Variants in HS1BP3 observed in about 807,000 individuals in gnomAD.
The protein encoded by HS1BP3 is HCLS1-binding protein 3.
HS1BP3 carries 32 observed loss-of-function variants against 33.5 expected under a neutral mutation model. The ratio of observed to expected loss-of-function variants is 0.95; its 90% confidence interval spans 0.72 to 1.28. The LOEUF (loss-of-function observed/expected upper bound fraction) is 1.28. Among genes scored for constraint, HS1BP3 ranks in the 50% most tolerant of loss-of-function variants. The probability of loss-of-function intolerance (pLI) is 0.00; values close to 1 mark genes in which losing one functional copy is unlikely to be tolerated. For missense variants in HS1BP3, 486 were observed against 502.3 expected, an observed-to-expected ratio of 0.97 and a Z score of 0.31; for synonymous variants, 187 against 209.2, an observed-to-expected ratio of 0.89 and a Z score of 0.92.
At chr2:20,628,392 C>T (rs1349743485) in intron 4 of HS1BP3, among the ~76,000 whole-genome samples, 5 of 152,050 alleles carry the variant, frequency 3.3e-5, no homozygotes, top group Non-Finnish European at 7.4e-5. Flanking sequence ...ATGAAAAGTG[C>T]TTTAGTTTAA....
chr2:20,567,128 T>C (rs542754922), intron 5 of HS1BP3, among the ~76,000 whole-genome samples: 69 of 152,214 alleles, frequency 4.5e-4, no homozygotes, highest in African/African-American at 1.5e-3. Context: ...CTGATGAATA[T>C]TACTAGTTCG....
At chr2:20,577,233 G>T (rs777716205) in intron 5 of HS1BP3, among the ~76,000 whole-genome samples, 1 of 152,042 alleles carries the variant, frequency 6.6e-6, no homozygotes. Context: ...TTTCCGTATC[G>T]GGGAGGGCCT....
At chr2:20,606,564 T>G (rs1215520959) in intron 2 of HS1BP3, 2 of 490,508 alleles carry the variant, frequency 4.1e-6, no homozygotes, top group Admixed American at 2.3e-5. Flanking sequence ...TTCTTCTTTT[T>G]GGCCTTGTCC....
chr2:20,606,207 C>T, intron 2 of HS1BP3: 1 of 197,070 alleles, frequency 5.1e-6, no homozygotes, highest in Non-Finnish European at 1.1e-5. Flanking sequence ...CTAATGATTT[C>T]ACTGAGCATA....
In HS1BP3 at chr2:20,618,563, G is replaced by T; in HGVS notation, c.*424C>A. ...TTCTTACTATGCGAACAGAGGCAGA[G>T]GAGGGATAGAGGCCCAGCCCCAGTT... On this transcript the variant is annotated 3_prime_UTR_variant, in exon 7 of 7. Transcript: ENST00000304031. 4.2e-6 allele frequency: 1 copy of T among 235,784 alleles called. No homozygotes were observed. The highest frequency in any genetic ancestry group is 7.3e-6 in the Non-Finnish European group (1 of 137,792). The allele number at this position is 235,784 out of a possible 1,614,324, so 14.6% of individuals were successfully genotyped here.
Position 20,618,802 on chromosome 2 carries a change from G to A in HS1BP3, c.*185C>T, listed in dbSNP as rs532001396. 32 of 1,411,910 alleles carry A rather than the reference G, an allele frequency of 2.3e-5. No individual in the cohort carries two copies. In the African/African-American group the frequency reaches 4.6e-4, roughly 20 times the overall value. 87.5% of individuals were successfully genotyped at this position (1,411,910 alleles called of 1,614,324 possible). On this transcript the variant is annotated 3_prime_UTR_variant, in exon 7 of 7. Transcript: ENST00000304031. ...TGAGAGCCGCTCCCGCAGCCCGCAG[G>A]CTTCTACTTTGGCCCCACAGCCCCG...
chr2:20,610,104 T>C (rs993446241), intron 2 of HS1BP3, among the ~76,000 whole-genome samples: 1 of 151,980 alleles, frequency 6.6e-6, no homozygotes, highest in African/African-American at 2.4e-5. Flanking sequence ...GAACAGAGAG[T>C]ACAAAGTCCC....
In HS1BP3 at chr2:20,605,044, T is replaced by C. The variant is rs116972934; in HGVS notation, c.179-6779A>G. On this transcript the variant is annotated intron_variant, in intron 2 of 3. Transcript: ENST00000415264. The stretch of plus-strand genomic sequence containing the variant: ...GTCTCTCTCTCAGGATGCCTTTTGT[T>C]GCCAAGAATGATGAAACAGATGTCT... Among the ~76,000 whole-genome samples, 111 of 152,344 alleles carry C rather than the reference T, an allele frequency of 7.3e-4. 1 individual carries two copies. The East Asian group carries it at 0.017, about 24-fold the overall frequency.
At chr2:20,579,249 G>C (rs1289095628) in intron 5 of HS1BP3, among the ~76,000 whole-genome samples, 1 of 152,330 alleles carries the variant, frequency 6.6e-6, no homozygotes, top group Middle Eastern at 3.4e-3. Flanking sequence ...GGCTCCATCC[G>C]AGCTGGCTGA....
chr2:20,618,716 A>AC lies in HS1BP3; in HGVS notation c.*270dup. 8.0e-7 allele frequency: 1 copy of AC among 1,254,566 alleles called. No individual in the cohort carries two copies. Among genetic ancestry groups the AC allele is most frequent in the South Asian group, 2.6e-5 (1 of 38,142 alleles). The allele number at this position is 1,254,566 out of a possible 1,614,324, so 77.7% of individuals were successfully genotyped here. A position where few individuals can be genotyped will look rare whatever the true frequency, so the allele number is the denominator to read the frequency against. On this transcript the variant is annotated 3_prime_UTR_variant, in exon 7 of 7. Coordinates refer to ENST00000304031, the MANE Select transcript of HS1BP3 (RefSeq NM_022460.4). ...GGCTTCTGGTTGGCAAGGCATCCCC[A>AC]CACCCTCCCTCCCCTTCATGTCCAC...
Position 20,640,966 on chromosome 2 carries a change from T to G in HS1BP3, c.406+7A>C. 2 of 1,613,934 alleles carry G rather than the reference T, an allele frequency of 1.2e-6. No homozygotes were observed. Reference sequence around the variant, plus strand: ...ACCTGAGGGACATGGGGCAGAGCCTTGGGTACCTAAGAACTCTAGCAGCTC... The same window carrying G: ...ACCTGAGGGACATGGGGCAGAGCCTGGGGTACCTAAGAACTCTAGCAGCTC... On this transcript the variant is annotated splice_region_variant and intron_variant, in intron 3 of 6. Coordinates refer to ENST00000304031, the MANE Select transcript of HS1BP3 (RefSeq NM_022460.4).
At chr2:20,624,667 C>A (rs1438320262) in intron 5 of HS1BP3, 65 bp downstream of exon 5, 13 of 1,490,342 alleles carry the variant, frequency 8.7e-6, no homozygotes, top group Non-Finnish European at 9.1e-6. Flanking sequence ...TGAGTCCAGA[C>A]CCTGCCTGGT....
Position 20,586,221 on chromosome 2 carries a change from A to G in HS1BP3, c.303-25706T>C, listed in dbSNP as rs544018159. ...ATGCCCGTTCTCAAAACGTCTTCAC[A>G]ATGCACACACATCACATTAAAGAGG... On this transcript the variant is annotated intron_variant, in intron 5 of 5. Coordinates refer to the HS1BP3 transcript ENST00000446825. 6 of 152,318 alleles carry G rather than the reference A, an allele frequency of 3.9e-5. No individual in the cohort carries two copies. In the East Asian group the frequency reaches 1.2e-3, roughly 29 times the overall value. 9.4% of individuals were successfully genotyped at this position (152,318 alleles called of 1,614,324 possible).
At chr2:20,648,936 G>C (rs964312254) in intron 1 of HS1BP3, among the ~76,000 whole-genome samples, 1 of 152,174 alleles carries the variant, frequency 6.6e-6, no homozygotes. Context: ...CCATATCCAA[G>C]CATCAGCAAA....
intron 5 of HS1BP3, among the ~76,000 whole-genome samples, chr2:20,561,835 C>G (rs974563078): frequency 1.6e-4 from 25 of 152,040 alleles, no homozygotes; most frequent in African/African-American, 5.8e-4. Context: ...GACTTGGGGG[C>G]CCCTGCATAG....
chr2:20,631,330 A>G (rs779823712), intron 4 of HS1BP3, among the ~76,000 whole-genome samples: 11 of 151,838 alleles, frequency 7.2e-5, no homozygotes, highest in Non-Finnish European at 1.6e-4. Flanking sequence ...CCTGGGCAAC[A>G]TAGTGAAACC....
At chr2:20,570,367 C>T (rs1163354760) in intron 5 of HS1BP3, among the ~76,000 whole-genome samples, 3 of 152,222 alleles carry the variant, frequency 2.0e-5, no homozygotes, top group African/African-American at 7.2e-5. Flanking sequence ...TGAACTTGAG[C>T]TCTTGGGCTC....
At chr2:20,567,663 C>T (rs998520154) in intron 5 of HS1BP3, among the ~76,000 whole-genome samples, 11 of 152,182 alleles carry the variant, frequency 7.2e-5, no homozygotes, top group Non-Finnish European at 1.3e-4. Context: ...AGACAGTCTC[C>T]AGGCTCCTGC....
At chr2:20,601,841 T>C (rs548792716) in intron 2 of HS1BP3, among the ~76,000 whole-genome samples, 9 of 130,396 alleles carry the variant, frequency 6.9e-5, no homozygotes, top group East Asian at 5.1e-4. Context: ...TGCAGTGGCG[T>C]GATCTCGGCT....
Sources: allele counts gnomAD v4.1 joint callset (sites outside exome capture counted in the v4.1 genomes callset), GRCh38; gene constraint gnomAD v4.1.1; transcripts MANE v1.5; gene names NCBI Gene and HGNC (gene_info 2026-07-23, HGNC 2026-07-21).